CAMK1G: variants seen among roughly 807,000 people sequenced by gnomAD.
CAMK1G encodes the protein calcium/calmodulin dependent protein kinase IG, also known as calcium/calmodulin-dependent protein kinase type 1G.
A neutral mutation model predicts 54.8 loss-of-function variants in CAMK1G; 27 were observed. That is an observed-to-expected ratio of 0.49 (90% confidence interval 0.36 to 0.68). The LOEUF (loss-of-function observed/expected upper bound fraction) is 0.68, where lower values mean the gene tolerates loss of function less well. CAMK1G is among the 30% of genes least tolerant of loss of function. The pLI, the probability that CAMK1G is intolerant of heterozygous loss-of-function variation, is 0.00. For synonymous variants in CAMK1G, 238 were observed against 224.9 expected (o/e 1.06, Z -0.52); for missense variants, 512 against 591.0 (o/e 0.87, Z 1.39).
At chr1:209,610,649 G>T (rs1665759000) in intron 9 of CAMK1G, among the ~76,000 whole-genome samples, 1 of 152,100 alleles carries the variant, frequency 6.6e-6, no homozygotes, top group Admixed American at 6.5e-5. Context: ...CATCTTTCAG[G>T]ATCCAGATCA....
rs1665739550 is a variant in CAMK1G at position 209,609,845 on chromosome 1, C to T, written c.749-6C>T. 1 of 1,613,998 alleles carries T rather than the reference C, an allele frequency of 6.2e-7. No homozygotes were observed. The highest frequency in any genetic ancestry group is 1.1e-5 in the South Asian group (1 of 91,086). On this transcript the variant is annotated splice_polypyrimidine_tract_variant and splice_region_variant and intron_variant, in intron 8 of 12. Coordinates refer to ENST00000361322, the MANE Select transcript of CAMK1G (RefSeq NM_020439.3). ...TAGTCGTCGTGTCTTTGATTACTCC[C>T]CTTAGCCAAGGACTTTATTTGCCAC...
intron 1 of CAMK1G, among the ~76,000 whole-genome samples, chr1:209,592,942 C>A (rs1665294072): frequency 6.6e-6 from 1 of 152,058 alleles, no homozygotes; most frequent in African/African-American, 2.4e-5. Flanking sequence ...CAACAAATGT[C>A]TCCAGAATAT....
At chr1:209,607,978 G>C (rs1181386545) in intron 7 of CAMK1G, 45 bp downstream of exon 7, 7 of 1,485,886 alleles carry the variant, frequency 4.7e-6, no homozygotes, top group Non-Finnish European at 6.5e-6. Context: ...AAGTCTCGGA[G>C]CCTGCTTACC....
chr1:209,608,927 C>T (rs1571786177), intron 7 of CAMK1G, 53 bp from the exon 8 acceptor site: 1 of 1,606,000 alleles, frequency 6.2e-7, no homozygotes, highest in East Asian at 2.2e-5. Flanking sequence ...GAGAGGCTGG[C>T]TCAGGGAGGA....
chr1:209,599,696 A>AT (rs1665479294), intron 2 of CAMK1G, among the ~76,000 whole-genome samples: 1 of 151,888 alleles, frequency 6.6e-6, no homozygotes, highest in Admixed American at 6.6e-5. Context: ...GTTTTATAGC[A>AT]TTTTTCCCCT....
intron 9 of CAMK1G, among the ~76,000 whole-genome samples, chr1:209,610,958 G>C (rs746161709): frequency 4.6e-5 from 7 of 152,326 alleles, no homozygotes; most frequent in East Asian, 1.9e-4. Context: ...ACTGAGGAAG[G>C]CTTCCAGGAG....
chr1:209,594,910 G>T, intron 1 of CAMK1G, 45 bp from the exon 2 acceptor site: 1 of 1,190,644 alleles, frequency 8.4e-7, no homozygotes, highest in South Asian at 1.4e-5. Context: ...GAAAGCAGCT[G>T]ACCAGACCTT....
chr1:209,587,241 A>G (rs911701938), intron 1 of CAMK1G, among the ~76,000 whole-genome samples: 1 of 152,020 alleles, frequency 6.6e-6, no homozygotes, highest in East Asian at 1.9e-4. Context: ...CCATTCACCT[A>G]TGACACCACA....
chr1:209,591,519 T>C (rs1176003365), intron 1 of CAMK1G, among the ~76,000 whole-genome samples: 1 of 152,228 alleles, frequency 6.6e-6, no homozygotes, highest in Non-Finnish European at 1.5e-5. Context: ...AACTTTAAGT[T>C]TGAATTTGTC....
At chr1:209,604,023 A>G (rs548460836) in intron 4 of CAMK1G, among the ~76,000 whole-genome samples, 8 of 152,298 alleles carry the variant, frequency 5.3e-5, no homozygotes, top group Middle Eastern at 3.4e-3. Flanking sequence ...CTGTTTATAA[A>G]GTACACACAC....
chr1:209,595,135 AGTT>A (rs1448827299), intron 2 of CAMK1G, 60 bp downstream of exon 2: 1 of 1,192,044 alleles, frequency 8.4e-7, no homozygotes, highest in African/African-American at 1.5e-5. Context: ...AGGTTAGAAG[AGTT>A]GTTCTCTGCT....
At chr1:209,600,227 A>C in intron 3 of CAMK1G, 116 bp downstream of exon 3, 2 of 1,223,340 alleles carry the variant, frequency 1.6e-6, no homozygotes, top group South Asian at 1.4e-5. Context: ...GCTCACTTTG[A>C]TTGAGTTGAT....
chr1:209,587,989 A>G (rs1665143960), intron 1 of CAMK1G, among the ~76,000 whole-genome samples: 1 of 152,176 alleles, frequency 6.6e-6, no homozygotes, highest in Admixed American at 6.5e-5. Context: ...AAAGAATGGA[A>G]AATCCCGGAA....
chr1:209,600,051 T>C lies in CAMK1G; in HGVS notation c.161T>C (p.Ile54Thr), dbSNP rs747415736. 3 of 1,614,006 alleles carry C rather than the reference T, an allele frequency of 1.9e-6. No homozygotes were observed. Among genetic ancestry groups the C allele is most frequent in the Non-Finnish European group, 2.5e-6 (3 of 1,179,886 alleles). The part of the protein sequence containing the change: ...LTGKLFALKC[I>T]KKSPAFRDSS... Reference sequence around the variant, plus strand: ...GGGAAGCTCTTTGCTCTGAAGTGCATCAAGAAGTCACCTGCCTTCCGGGAC... The same window carrying C: ...GGGAAGCTCTTTGCTCTGAAGTGCACCAAGAAGTCACCTGCCTTCCGGGAC... The change falls in exon 3 of 13, where the codon ATC becomes ACC. Residue 54 changes from isoleucine to threonine, a missense_variant. Ile to Thr is a moderately conservative substitution (Grantham distance 89). Around this residue, in one of 3 missense-constraint regions of CAMK1G, gnomAD observed 186 missense variants for 231.5 expected, o/e 0.80. Coordinates refer to ENST00000361322, the MANE Select transcript of CAMK1G (RefSeq NM_020439.3).
At chr1:209,592,916 C>A (rs1419571395) in intron 1 of CAMK1G, among the ~76,000 whole-genome samples, 1 of 152,068 alleles carries the variant, frequency 6.6e-6, no homozygotes, top group Non-Finnish European at 1.5e-5. Context: ...TGTGGATTAT[C>A]AGGAATGAAA....
intron 4 of CAMK1G, 76 bp from the exon 5 acceptor site, chr1:209,605,460 G>A (rs1388166811): frequency 1.9e-6 from 3 of 1,544,250 alleles, no homozygotes; most frequent in South Asian, 2.4e-5. Flanking sequence ...TGTCCCCCAA[G>A]GCTTCAAAGC....
At chr1:209,609,579 A>G (rs77897510) in intron 8 of CAMK1G, among the ~76,000 whole-genome samples, 3,253 of 152,332 alleles carry the variant, frequency 0.021, 126 homozygotes, top group African/African-American at 0.075. Flanking sequence ...ACACATGCAC[A>G]TGTGATGTGC....
At chr1:209,609,539 G>A (rs921233503) in intron 8 of CAMK1G, among the ~76,000 whole-genome samples, 6 of 152,242 alleles carry the variant, frequency 3.9e-5, no homozygotes, top group Non-Finnish European at 5.9e-5. Flanking sequence ...GCGTGCCCAT[G>A]TGCCAGCGCT....
In CAMK1G at chr1:209,605,642, C is replaced by T; in HGVS notation, c.403C>T (p.His135Tyr). ...QQVLSAVKYL[H>Y]ENGIVHRDLK... Reference sequence around the variant, plus strand: ...GGTCTTGTCGGCAGTGAAATACCTACATGAGAATGGCATCGTCCACAGAGA... The same window carrying T: ...GGTCTTGTCGGCAGTGAAATACCTATATGAGAATGGCATCGTCCACAGAGA... The change falls in exon 5 of 13, where the codon CAT becomes TAT. Residue 135 changes from histidine (H) to tyrosine (Y), a missense_variant. By Grantham distance (83) the His-to-Tyr change is moderately conservative. Coordinates refer to ENST00000361322, the MANE Select transcript of CAMK1G (RefSeq NM_020439.3). 1 of 1,614,072 alleles carries T rather than the reference C, an allele frequency of 6.2e-7. No individual in the cohort carries two copies.
Sources: gnomAD v4.1 joint callset for allele counts (sites outside exome capture counted in the v4.1 genomes callset) on GRCh38, gnomAD v4.1.1 for gene constraint, gnomAD v4.1.1 regional missense constraint, MANE v1.5 for transcripts, NCBI Gene and HGNC (gene_info 2026-07-23, HGNC 2026-07-21) for gene names.